Variants in RAD51 observed in about 807,000 individuals in gnomAD.
RAD51 encodes RAD51 recombinase.
In RAD51, 14 loss-of-function variants were observed where a neutral mutation model predicts 41.5. The observed-to-expected ratio is 0.34, with a 90% CI of 0.22 to 0.53. The LOEUF is 0.53. RAD51 is among the 20% of genes least tolerant of loss of function. The pLI is 0.95. For missense variants in RAD51, 234 were observed against 422.0 expected (o/e 0.55, Z 3.90); for synonymous variants, 136 against 148.6 (o/e 0.92, Z 0.62).
At chr15:40,708,231 C>CTTTT (rs1222352292) in intron 4 of RAD51, among the ~76,000 whole-genome samples, 2 of 116,222 alleles carry the variant, frequency 1.7e-5, no homozygotes, top group African/African-American at 3.4e-5. Context: ...TTGTGCCCAG[C>CTTTT]TTTTTTTTTT....
chr15:40,726,248 T>C (rs1358597617), intron 6 of RAD51, among the ~76,000 whole-genome samples: 1 of 151,068 alleles, frequency 6.6e-6, no homozygotes, highest in Non-Finnish European at 1.5e-5. Context: ...AGGAATTTTT[T>C]TTTTTTTTTT....
At chr15:40,726,150 G>C (rs1420358819) in intron 6 of RAD51, among the ~76,000 whole-genome samples, 1 of 151,988 alleles carries the variant, frequency 6.6e-6, no homozygotes, top group African/African-American at 2.4e-5. Context: ...AAACTTATAT[G>C]TTAAGAATAA....
chr15:40,696,372 G>C (rs143637577), intron 1 of RAD51, among the ~76,000 whole-genome samples: 15 of 152,132 alleles, frequency 9.9e-5, no homozygotes, highest in African/African-American at 3.6e-4. Context: ...CCAAGAGTTC[G>C]AGAACAGCCT....
chr15:40,707,805 A>C, intron 4 of RAD51, among the ~76,000 whole-genome samples: 1 of 150,648 alleles, frequency 6.6e-6, no homozygotes. Flanking sequence ...GCAACCACTG[A>C]CTCCCAGGTT....
rs71104728 is a variant in RAD51, at chr15:40,710,241, C to CAAAAAA, written c.435+1149_435+1154dup. Among the ~76,000 whole-genome samples the CAAAAAA allele has an allele frequency of 5.5e-3, 243 of 44,184 alleles. 1 individual carries two copies. Among genetic ancestry groups the CAAAAAA allele is most frequent in the Middle Eastern group, 0.033 (1 of 30 alleles). 29.0% of individuals were successfully genotyped at this position (44,184 alleles called of 152,430 possible). ...TGGGCGACAGAGCGAGACTCTGTCT[C>CAAAAAA]AAAAAAAAAAAAAAAAAAAAAAAAA... On this transcript the variant is annotated intron_variant, in intron 5 of 9. Transcript: ENST00000267868.
At chr15:40,715,420 G>A (rs1172614045) in intron 5 of RAD51, among the ~76,000 whole-genome samples, 1 of 152,056 alleles carries the variant, frequency 6.6e-6, no homozygotes, top group East Asian at 1.9e-4. Flanking sequence ...CAGAAAATTT[G>A]TCTTACAGAA....
At chr15:40,710,948 T>G (rs1225341122) in intron 5 of RAD51, among the ~76,000 whole-genome samples, 2 of 152,200 alleles carry the variant, frequency 1.3e-5, no homozygotes, top group African/African-American at 4.8e-5. Flanking sequence ...GAAAAAACCT[T>G]CCCTGGACCC....
intron 3 of RAD51, among the ~76,000 whole-genome samples, chr15:40,702,797 C>T (rs1208665829): frequency 6.6e-6 from 1 of 151,090 alleles, no homozygotes; most frequent in East Asian, 1.9e-4. Context: ...AAATTACAGG[C>T]ACTAGCCACT....
intron 2 of RAD51, among the ~76,000 whole-genome samples, chr15:40,699,263 C>T (rs765733371): frequency 2.0e-5 from 3 of 152,184 alleles, no homozygotes; most frequent in Non-Finnish European, 2.9e-5. Flanking sequence ...CCTGCCTCAG[C>T]CTCCCAAGTA....
Position 40,701,182 on chromosome 15 carries a change from C to T in RAD51, c.206C>T (p.Ala69Val). 1 of 1,614,070 alleles carries T rather than the reference C, an allele frequency of 6.2e-7. No homozygotes were observed. The highest frequency in any genetic ancestry group is 8.5e-7 in the Non-Finnish European group (1 of 1,180,024). Residue 69 changes from alanine (A) to valine (V), a missense_variant, in exon 3 of 10, where the codon GCC becomes GTC. Ala to Val is a moderately conservative substitution (Grantham distance 64, BLOSUM62 0). Transcript: ENST00000267868. ...ATAAATATTAAGGGAATTAGTGAAG[C>T]CAAAGCTGATAAAATTCTGGTAAGT... Reference protein sequence around the residue: ...ELINIKGISEAKADKILAEAA... With the variant: ...ELINIKGISEVKADKILAEAA...
chr15:40,713,763 C>T (rs1055216750), intron 5 of RAD51, among the ~76,000 whole-genome samples: 7 of 151,752 alleles, frequency 4.6e-5, no homozygotes, highest in Admixed American at 2.0e-4. Flanking sequence ...CCCGCCACCA[C>T]GCCTGGCTAA....
At chr15:40,726,396 C>T (rs150826037) in intron 6 of RAD51, among the ~76,000 whole-genome samples, 1,755 of 151,828 alleles carry the variant, frequency 0.012, 10 homozygotes, top group Middle Eastern at 0.044. Context: ...GGATTACATG[C>T]GTGCACCACC....
intron 6 of RAD51, among the ~76,000 whole-genome samples, chr15:40,723,674 CTG>C (rs1596015614): frequency 1.3e-5 from 2 of 152,216 alleles, no homozygotes; most frequent in South Asian, 4.1e-4. Context: ...TGAGGAATAA[CTG>C]TGAATGAAGT....
rs45449402 is a variant in RAD51 at position 40,715,145 on chromosome 15, C to G, written c.436-3660C>G. On this transcript the variant is annotated intron_variant, in intron 5 of 9. Coordinates refer to ENST00000267868, the MANE Select transcript of RAD51 (RefSeq NM_002875.5). ...GGCTGAGGTGGATGGATCACAAGGT[C>G]AGGAGTTCAAGAACAGCCTGGCCAA... 2.3e-4 allele frequency among the ~76,000 whole-genome samples: 35 copies of G among 152,304 alleles called. 1 individual carries two copies. In the East Asian group the frequency reaches 6.7e-3, roughly 29 times the overall value.
intron 6 of RAD51, among the ~76,000 whole-genome samples, chr15:40,727,401 C>T (rs1046649454): frequency 5.9e-5 from 9 of 152,012 alleles, no homozygotes; most frequent in African/African-American, 1.7e-4. Flanking sequence ...CTCTGCCTCC[C>T]GGTTTCAAGC....
intron 5 of RAD51, among the ~76,000 whole-genome samples, chr15:40,715,936 G>A (rs1895964526): frequency 3.3e-5 from 5 of 152,160 alleles, no homozygotes; most frequent in Admixed American, 3.3e-4. Context: ...TGTCCTCTTG[G>A]CCACTGGTTC....
chr15:40,725,965 G>A (rs1258393380), intron 6 of RAD51, among the ~76,000 whole-genome samples: 1 of 151,574 alleles, frequency 6.6e-6, no homozygotes, highest in Non-Finnish European at 1.5e-5. Context: ...CAGACTGGGC[G>A]ACAGAGTGAG....
chr15:40,710,068 C>T (rs1200329612), intron 5 of RAD51, among the ~76,000 whole-genome samples: 1 of 151,736 alleles, frequency 6.6e-6, no homozygotes, highest in Admixed American at 6.6e-5. Flanking sequence ...CAGTGAAACC[C>T]CATCTCTACT....
chr15:40,694,826 G>A (rs1327921319), upstream of RAD51: 2 of 152,220 alleles, frequency 1.3e-5, no homozygotes, highest in Non-Finnish European at 2.9e-5. Context: ...ACTCGGTTAA[G>A]TCTTCCCCCA....
Sources: allele counts gnomAD v4.1 joint callset (sites outside exome capture counted in the v4.1 genomes callset), GRCh38; gene constraint gnomAD v4.1.1; transcripts MANE v1.5; gene names NCBI Gene and HGNC (gene_info 2026-07-23, HGNC 2026-07-21).